The following TIAM1 variants were observed in gnomAD, a reference collection of about 807,000 sequenced individuals.
TIAM1 encodes rho guanine nucleotide exchange factor TIAM1.
In TIAM1, 65 loss-of-function variants were observed where a neutral mutation model predicts 163.5. The ratio of observed to expected loss-of-function variants is 0.40; its 90% CI spans 0.33 to 0.49. TIAM1 has a LOEUF of 0.49. Ranked by LOEUF, TIAM1 falls within the 20% of genes least tolerant of loss-of-function variation. The pLI, the probability that TIAM1 is intolerant of heterozygous loss-of-function variation, is 0.77. For missense variants in TIAM1, 1,789 were observed against 2,044.7 expected, an observed-to-expected ratio of 0.87 and a Z score of 2.41; for synonymous variants, 833 against 810.1, an observed-to-expected ratio of 1.03 and a Z score of -0.48.
At chr21:31,462,763 G>A (rs2045379380) in intron 2 of TIAM1, among the ~76,000 whole-genome samples, 1 of 136,234 alleles carries the variant, frequency 7.3e-6, no homozygotes, top group Non-Finnish European at 1.6e-5. Context: ...TTTTTTTTGA[G>A]ACCAAGTCTC....
At chr21:31,471,881 ATAATAATAATAATAAT>A (rs752064371) in intron 1 of TIAM1, among the ~76,000 whole-genome samples, 5,650 of 78,886 alleles carry the variant, frequency 0.072, 134 homozygotes, top group Non-Finnish European at 0.1. Flanking sequence ...AATAATAATA[ATAATAATAATAATAAT>A]AATAAAGGGA....
chr21:31,488,478 T>C (rs2046349467), intron 1 of TIAM1, among the ~76,000 whole-genome samples: 2 of 152,184 alleles, frequency 1.3e-5, no homozygotes, highest in Non-Finnish European at 2.9e-5. Flanking sequence ...GGTGTATTAA[T>C]CTGCTCTCAC....
At chr21:31,248,760 T>A (rs528572174) in intron 5 of TIAM1, among the ~76,000 whole-genome samples, 268 of 152,268 alleles carry the variant, frequency 1.8e-3, no homozygotes, top group Middle Eastern at 3.4e-3. Flanking sequence ...CCCATCAGGA[T>A]GAAGCAAAGA....
At chr21:31,369,324 T>C (rs557611788) in intron 2 of TIAM1, among the ~76,000 whole-genome samples, 1 of 152,086 alleles carries the variant, frequency 6.6e-6, no homozygotes, top group South Asian at 2.1e-4. Context: ...GGTCTCAATG[T>C]CTGTGTGCCC....
chr21:31,309,221 G>T (rs1252466989), intron 2 of TIAM1, among the ~76,000 whole-genome samples: 2 of 152,212 alleles, frequency 1.3e-5, no homozygotes, highest in Non-Finnish European at 2.9e-5. Context: ...ACTTTGGGAG[G>T]CTGAGGTGGA....
At chr21:31,248,607 G>GA (rs201398044) in intron 5 of TIAM1, among the ~76,000 whole-genome samples, 1,652 of 151,900 alleles carry the variant, frequency 0.011, 30 homozygotes, top group African/African-American at 0.037. Flanking sequence ...AATCTTTAGG[G>GA]AAAAAAAATC....
intron 2 of TIAM1, among the ~76,000 whole-genome samples, chr21:31,447,552 A>G (rs960106771): frequency 2.6e-5 from 4 of 152,200 alleles, no homozygotes; most frequent in Admixed American, 6.5e-5. Context: ...ATAAAGGAGG[A>G]AAAATATGAG....
intron 2 of TIAM1, among the ~76,000 whole-genome samples, chr21:31,370,028 C>T (rs573489725): frequency 6.6e-6 from 1 of 152,300 alleles, no homozygotes; most frequent in South Asian, 2.1e-4. Context: ...CTTTCCCTTC[C>T]ACCACATGAG....
At chr21:31,348,726 G>A (rs2076188410), upstream of TIAM1, among the ~76,000 whole-genome samples, 1 of 152,156 alleles carries the variant, frequency 6.6e-6, no homozygotes, top group Non-Finnish European at 1.5e-5. Context: ...TGAAAACACT[G>A]CAAACACTTG....
At chr21:31,253,766 C>T (rs2071945469) in intron 4 of TIAM1, among the ~76,000 whole-genome samples, 1 of 152,148 alleles carries the variant, frequency 6.6e-6, no homozygotes, top group Admixed American at 6.5e-5. Context: ...GTTCCCACAG[C>T]TTTGCTATCT....
chr21:31,141,127 C>T lies in TIAM1; in HGVS notation c.3765G>A (p.Glu1255=). The change falls in exon 22 of 28, where the codon GAG becomes GAA. Residue 1255 remains glutamate (E), a synonymous_variant. Transcript: ENST00000541036. This position sits in a 1 kb window ranked among gnomAD's most constrained non-coding sequence, Gnocchi z 4.7. ...FDQLIAEQTG[E]KKEVADLSMG... The stretch of plus-strand genomic sequence containing the variant: ...AGATGGGGACCCTCACCTCTTTTTT[C>T]TCACCAGTCTGTTCAGCAATCAGCT... 2 of 1,610,408 alleles carry T rather than the reference C, an allele frequency of 1.2e-6. No individual in the cohort carries two copies. Among genetic ancestry groups the T allele is most frequent in the Non-Finnish European group, 1.7e-6 (2 of 1,178,596 alleles).
At chr21:31,462,736 GT>G (rs201556863) in intron 2 of TIAM1, among the ~76,000 whole-genome samples, 4 of 55,324 alleles carry the variant, frequency 7.2e-5, no homozygotes, top group South Asian at 8.3e-4. Flanking sequence ...CCACTTTTTT[GT>G]TTTTTTTTTT....
chr21:31,338,840 G>T (rs1022562880), intron 2 of TIAM1, among the ~76,000 whole-genome samples: 1 of 152,108 alleles, frequency 6.6e-6, no homozygotes, highest in African/African-American at 2.4e-5. Context: ...TTACCCTGTC[G>T]CATTGAAAGT....
intron 2 of TIAM1, among the ~76,000 whole-genome samples, chr21:31,403,768 T>C (rs1031363748): frequency 3.9e-5 from 6 of 152,126 alleles, no homozygotes; most frequent in African/African-American, 1.4e-4. Flanking sequence ...GCTTGATGCA[T>C]CTTGCTTGAT....
chr21:31,430,049 T>C (rs977630638), intron 2 of TIAM1, among the ~76,000 whole-genome samples: 4 of 151,366 alleles, frequency 2.6e-5, no homozygotes, highest in Admixed American at 6.6e-5. Context: ...CTACTAAAAA[T>C]ACAAAAAATT....
At chr21:31,510,118 G>A (rs937522223) in intron 1 of TIAM1, among the ~76,000 whole-genome samples, 2 of 152,192 alleles carry the variant, frequency 1.3e-5, no homozygotes, top group African/African-American at 4.8e-5. Context: ...CAGTTTGCTA[G>A]GCTTGCCATA....
intron 15 of TIAM1, among the ~76,000 whole-genome samples, chr21:31,180,879 A>C (rs970985770): frequency 6.6e-6 from 1 of 152,260 alleles, no homozygotes; most frequent in African/African-American, 2.4e-5. Context: ...TGTAACTGAG[A>C]GCAATCAATT....
intron 16 of TIAM1, chr21:31,160,815 T>C (rs1568943419): frequency 3.5e-6 from 1 of 283,162 alleles, no homozygotes; most frequent in Non-Finnish European, 6.5e-6. Context: ...CAGGCTTTGA[T>C]TTCACCTGGC....
At chr21:31,410,924 G>A (rs2077347184) in intron 2 of TIAM1, among the ~76,000 whole-genome samples, 2 of 152,102 alleles carry the variant, frequency 1.3e-5, no homozygotes, top group African/African-American at 4.8e-5. Flanking sequence ...AGAGCATTAG[G>A]GGCCCGCTCC....
Sources: gnomAD v4.1 joint callset for allele counts (sites outside exome capture counted in the v4.1 genomes callset) on GRCh38, gnomAD v4.1.1 for gene constraint, Gnocchi (gnomAD v3.1) non-coding constraint, MANE v1.5 for transcripts, NCBI Gene and HGNC (gene_info 2026-07-23, HGNC 2026-07-21) for gene names.